The following PRDX4 variants were observed in gnomAD, a reference collection of about 807,000 sequenced individuals.
PRDX4 encodes the protein peroxiredoxin 4.
A neutral mutation model predicts 20.5 loss-of-function variants in PRDX4; 12 were observed. The ratio of observed to expected loss-of-function variants is 0.58; its 90% CI spans 0.37 to 0.95. The LOEUF (loss-of-function observed/expected upper bound fraction) is 0.95, where lower values mean the gene tolerates loss of function less well. Ranked by LOEUF, PRDX4 falls within the 40% of genes least tolerant of loss-of-function variation. PRDX4 has a pLI of 0.01. For missense variants in PRDX4, 180 were observed against 207.3 expected, an observed-to-expected ratio of 0.87 and a Z score of 0.81; for synonymous variants, 99 against 87.5, an observed-to-expected ratio of 1.13 and a Z score of -0.73.
At chrX:23,671,355 A>G in intron 1 of PRDX4, 174 bp from the exon 2 acceptor site, 3 of 363,598 alleles carry the variant, frequency 8.3e-6, no homozygotes, top group South Asian at 7.1e-5. Context: ...TTGTAATTCT[A>G]TGTATTTTCC....
In PRDX4 at chrX:23,682,508, A is replaced by G. The variant is rs1928091186; in HGVS notation, c.712A>G (p.Thr238Ala). 2 of 1,162,512 alleles carry G rather than the reference A, an allele frequency of 1.7e-6. No individual in the cohort carries two copies. Among genetic ancestry groups the G allele is most frequent in the Non-Finnish European group, 2.3e-6 (2 of 867,681 alleles). ...TLRLVQAFQY[T>A]DKHGEVCPAG... ...ACGTTTGGTTCAAGCATTCCAGTACACTGACAAACACGGAGAAGGTACCTC... is the reference window on the plus strand; with the variant it reads ...ACGTTTGGTTCAAGCATTCCAGTACGCTGACAAACACGGAGAAGGTACCTC... Residue 238 changes from threonine to alanine, a missense_variant, in exon 5 of 7, where the codon ACT becomes GCT. Physicochemically the swap from Thr to Ala is moderately conservative, Grantham distance 58. This residue lies in a region of PRDX4 where 73 missense variants were observed against 76.5 expected (regional missense o/e 0.95). Transcript: ENST00000379341.
intron 3 of PRDX4, among the ~76,000 whole-genome samples, chrX:23,678,346 T>G (rs1419078226): frequency 9.3e-6 from 1 of 107,224 alleles, no homozygotes; most frequent in Non-Finnish European, 1.9e-5. Flanking sequence ...AAATGTGTTA[T>G]AGGCCAGGCG....
chrX:23,674,883 T>C (rs1021319127), intron 2 of PRDX4, 107 bp from the exon 3 acceptor site: 1 of 1,023,044 alleles, frequency 9.8e-7, no homozygotes. Flanking sequence ...AAATTGTTCT[T>C]AATGTGCATT....
chrX:23,681,819 T>C (rs1185161591), intron 4 of PRDX4, among the ~76,000 whole-genome samples: 3 of 112,178 alleles, frequency 2.7e-5, no homozygotes, highest in Non-Finnish European at 5.6e-5. Flanking sequence ...GGCAGGTAGA[T>C]TGCTCAAGTC....
rs149255561 is a variant in PRDX4, at chrX:23,667,752, C to T, written c.182C>T (p.Pro61Leu). The T allele has an allele frequency of 6.0e-5, 72 of 1,209,830 alleles. No individual in the cohort carries two copies. The highest frequency in any genetic ancestry group is 7.8e-5 in the Non-Finnish European group (70 of 895,068). ...TTCTACGCGGGTGGACAAGTGTACC[C>T]GGGAGAGGCATCCCGGGTATCGGTC... The part of the protein sequence containing the change: ...CHFYAGGQVY[P>L]GEASRVSVAD... Residue 61 changes from proline (P) to leucine (L), a missense_variant, in exon 1 of 7, where the codon CCG becomes CTG. This residue lies in a region of PRDX4 where 105 missense variants were observed against 114.2 expected (regional missense o/e 0.92). Coordinates refer to ENST00000379341, the MANE Select transcript of PRDX4 (RefSeq NM_006406.2).
At chrX:23,682,343 A>G in intron 4 of PRDX4, 53 bp from the exon 5 acceptor site, 2 of 1,000,786 alleles carry the variant, frequency 2.0e-6, no homozygotes, top group Non-Finnish European at 1.3e-6. Context: ...AGGAATTCAC[A>G]ATACATAAAT....
At chrX:23,667,952 G>A in intron 1 of PRDX4, 141 bp downstream of exon 1, 2 of 901,563 alleles carry the variant, frequency 2.2e-6, no homozygotes, top group Non-Finnish European at 3.0e-6. Flanking sequence ...ACCTAGGAGG[G>A]CGGGGAGGGG....
At position 23,674,852 on chromosome X, in the gene PRDX4, T is replaced by C. The variant is rs768818034; in HGVS notation, c.360-138T>C. The C allele has an allele frequency of 3.1e-5, 27 of 871,463 alleles. No individual in the cohort carries two copies. The South Asian group carries it at 7.7e-4, about 25-fold the overall frequency. The allele number at this position is 871,463 out of a possible 1,213,427, so 71.8% of individuals were successfully genotyped here. ...AATGACAGTCTTTTAGACTACTCCA[T>C]TTTGAAAAGGTTCAAATATAAAATT... On this transcript the variant is annotated intron_variant, in intron 2 of 6. Transcript: ENST00000379341.
intron 5 of PRDX4, among the ~76,000 whole-genome samples, chrX:23,682,853 A>AAAAAAAAAAT (rs1555933130): frequency 2.7e-4 from 4 of 14,876 alleles, no homozygotes; most frequent in Admixed American, 1.2e-3. Flanking sequence ...AAAAAAAAAA[A>AAAAAAAAAAT]ATATATATAT....
chrX:23,668,975 G>T (rs1208304027), intron 1 of PRDX4, among the ~76,000 whole-genome samples: 1 of 110,003 alleles, frequency 9.1e-6, no homozygotes, highest in Non-Finnish European at 1.9e-5. Flanking sequence ...ACCCAGGCTG[G>T]AGTGCGGTCG....
intron 6 of PRDX4, 24 bp from the exon 7 acceptor site, chrX:23,686,261 C>T: frequency 8.7e-7 from 1 of 1,151,936 alleles, no homozygotes. Flanking sequence ...TGAATAATTT[C>T]CTTTCTTCGT....
At chrX:23,676,837 T>C (rs1264426756) in intron 3 of PRDX4, among the ~76,000 whole-genome samples, 1 of 109,234 alleles carries the variant, frequency 9.2e-6, no homozygotes, top group Non-Finnish European at 1.9e-5. Flanking sequence ...TGCTTCATCA[T>C]TTCCTTTAAA....
chrX:23,682,972 T>A (rs1468969121), intron 5 of PRDX4, among the ~76,000 whole-genome samples: 1 of 104,668 alleles, frequency 9.6e-6, no homozygotes, highest in Non-Finnish European at 1.9e-5. Flanking sequence ...TTTCTGCTAC[T>A]GCAATTTTTA....
At position 23,672,276 on chromosome X, in the gene PRDX4, A is replaced by G. The variant is rs184671403; in HGVS notation, c.359+630A>G. Reference sequence around the variant, plus strand: ...CCATCTCAAAAAGAAAAGAAAAAGAAAATTAAGCCATTTTCTCTAGTGATA... The same window carrying G: ...CCATCTCAAAAAGAAAAGAAAAAGAGAATTAAGCCATTTTCTCTAGTGATA... On this transcript the variant is annotated intron_variant, in intron 2 of 6. Coordinates refer to ENST00000379341, the MANE Select transcript of PRDX4 (RefSeq NM_006406.2). 3.6e-5 allele frequency among the ~76,000 whole-genome samples: 4 copies of G among 112,144 alleles called. No homozygotes were observed. The East Asian group carries it at 1.1e-3, about 31-fold the overall frequency.
intron 1 of PRDX4, among the ~76,000 whole-genome samples, chrX:23,671,178 G>A (rs372953625): frequency 3.0e-4 from 34 of 111,674 alleles, no homozygotes; most frequent in African/African-American, 1.1e-3. Flanking sequence ...GCTACATATG[G>A]TTATCGCAGG....
chrX:23,668,348 G>A (rs1395461836), intron 1 of PRDX4, among the ~76,000 whole-genome samples: 1 of 112,318 alleles, frequency 8.9e-6, no homozygotes. Context: ...TGTAGTTAAT[G>A]GATATTCCTT....
At chrX:23,686,185 A>G in intron 6 of PRDX4, 100 bp from the exon 7 acceptor site, 1 of 585,116 alleles carries the variant, frequency 1.7e-6, no homozygotes, top group Non-Finnish European at 2.7e-6. Flanking sequence ...GATATACAAA[A>G]ATAATTTTTA....
chrX:23,676,736 G>A (rs1037389394), intron 3 of PRDX4, among the ~76,000 whole-genome samples: 2 of 107,682 alleles, frequency 1.9e-5, no homozygotes, highest in Non-Finnish European at 3.8e-5. Flanking sequence ...AGGCTGTAGT[G>A]AGCCAAGATC....
Position 23,671,610 on chromosome X carries a change from G to C in PRDX4, c.323G>C (p.Gly108Ala), listed in dbSNP as rs1414561850. 1 of 1,202,776 alleles carries C rather than the reference G, an allele frequency of 8.3e-7. No individual in the cohort carries two copies. Among genetic ancestry groups the C allele is most frequent in the South Asian group, 1.8e-5 (1 of 55,412 alleles). Residue 108 changes from glycine (G) to alanine (A), a missense_variant, in exon 2 of 7, where the codon GGG becomes GCG. Physicochemically the swap from Gly to Ala is moderately conservative, Grantham distance 60 (BLOSUM62 0). Around this residue, in one of 3 missense-constraint regions of PRDX4, gnomAD observed 105 missense variants for 114.2 expected, o/e 0.92. Transcript: ENST00000379341. Reference sequence around the variant, plus strand: ...GAGCTGAAGTTAACTGATTATCGTGGGAAATACTTGGTTTTCTTCTTCTAC... The same window carrying C: ...GAGCTGAAGTTAACTGATTATCGTGCGAAATACTTGGTTTTCTTCTTCTAC... ...FKELKLTDYR[G>A]KYLVFFFYPL...
Sources: gnomAD v4.1 joint callset for allele counts (sites outside exome capture counted in the v4.1 genomes callset) on GRCh38, gnomAD v4.1.1 for gene constraint, gnomAD v4.1.1 regional missense constraint, MANE v1.5 for transcripts, NCBI Gene and HGNC (gene_info 2026-07-23, HGNC 2026-07-21) for gene names.